Variants in KAZN observed in about 807,000 individuals in gnomAD.
KAZN encodes the protein kazrin, periplakin interacting protein, also known as kazrin.
In KAZN, 40 loss-of-function variants were observed where a neutral mutation model predicts 87.4. The ratio of observed to expected loss-of-function variants is 0.46; its 90% CI spans 0.36 to 0.60. KAZN has a LOEUF of 0.60. KAZN is among the 20% of genes least tolerant of loss of function. KAZN has a pLI of 0.00. For missense variants in KAZN, 898 were observed against 1,073.9 expected (o/e 0.84, Z 2.29); for synonymous variants, 466 against 458.3 (o/e 1.02, Z -0.22).
At chr1:14,847,947 T>TC (rs1368763396) in intron 1 of KAZN, among the ~76,000 whole-genome samples, 2 of 152,152 alleles carry the variant, frequency 1.3e-5, no homozygotes, top group African/African-American at 4.8e-5. Flanking sequence ...GCCACTGCAC[T>TC]CCATCCTGGG....
exon 1 of KAZN, chr1:13,893,451 T>A (rs889523488): frequency 1.8e-5 from 13 of 703,780 alleles, no homozygotes; most frequent in African/African-American, 3.6e-5. Flanking sequence ...GCTTATAGGG[T>A]TTCATTTTTT....
chr1:14,577,601 G>A (rs1332324262), intron 2 of KAZN, among the ~76,000 whole-genome samples: 1 of 152,278 alleles, frequency 6.6e-6, no homozygotes, highest in East Asian at 1.9e-4. Flanking sequence ...CCCTTCAGCT[G>A]CTAGTGGTCA....
chr1:14,423,020 T>G (rs1343051136), intron 2 of KAZN, among the ~76,000 whole-genome samples: 2 of 152,236 alleles, frequency 1.3e-5, no homozygotes, highest in Non-Finnish European at 2.9e-5. Context: ...GTGAAAACTT[T>G]TGCTCAAATT....
chr1:15,030,670 C>T (rs1311249506), intron 2 of KAZN, among the ~76,000 whole-genome samples: 1 of 152,244 alleles, frequency 6.6e-6, no homozygotes, highest in Non-Finnish European at 1.5e-5. Context: ...GGGCCTCCCA[C>T]CCACTGCCTG....
At chr1:13,989,372 G>A (rs1639174785) in intron 1 of KAZN, among the ~76,000 whole-genome samples, 1 of 152,090 alleles carries the variant, frequency 6.6e-6, no homozygotes, top group Non-Finnish European at 1.5e-5. Context: ...ACTAGACAAA[G>A]CCCTAAACCT....
At chr1:13,990,182 C>T (rs890763918) in intron 1 of KAZN, among the ~76,000 whole-genome samples, 2 of 152,038 alleles carry the variant, frequency 1.3e-5, no homozygotes, top group Non-Finnish European at 1.5e-5. Flanking sequence ...GGTATCTACC[C>T]AAGAGAAATG....
intron 2 of KAZN, among the ~76,000 whole-genome samples, chr1:14,268,062 G>A (rs1651633892): frequency 6.6e-6 from 1 of 152,166 alleles, no homozygotes; most frequent in Admixed American, 6.5e-5. Flanking sequence ...CCAGCCTCTG[G>A]CTCAATACCT....
rs146124470 is a variant in KAZN, at chr1:14,891,089, C to G, written c.227-69595C>G. Among the ~76,000 whole-genome samples the G allele has an allele frequency of 2.1e-3, 313 of 151,988 alleles. 10 individuals are homozygous for G. In the South Asian group the frequency reaches 0.04, roughly 19 times the overall value. ...TCGATCTCCTGACCTCGTGATCCACCCGCCTCGGCCTCCCAAAGTGCTGGG... is the reference window on the plus strand; with the variant it reads ...TCGATCTCCTGACCTCGTGATCCACGCGCCTCGGCCTCCCAAAGTGCTGGG... On this transcript the variant is annotated intron_variant, in intron 1 of 14. Transcript: ENST00000376030.
intron 1 of KAZN, among the ~76,000 whole-genome samples, chr1:14,887,465 T>G (rs1410348505): frequency 6.6e-6 from 1 of 152,236 alleles, no homozygotes; most frequent in East Asian, 1.9e-4. Context: ...GGGGTACCAC[T>G]GAGCTGATGG....
At chr1:14,478,249 A>AGAAAGAAGGAAGGAAGGAAGGAAG (rs1668869794) in intron 2 of KAZN, among the ~76,000 whole-genome samples, 1 of 101,476 alleles carries the variant, frequency 9.9e-6, no homozygotes, top group African/African-American at 4.9e-5. Context: ...AGGAAGGAAA[A>AGAAAGAAGGAAGGAAGGAAGGAAG]GAAGGAAGGA....
chr1:15,008,052 C>G (rs974937218), intron 2 of KAZN, among the ~76,000 whole-genome samples: 2 of 152,190 alleles, frequency 1.3e-5, no homozygotes, highest in Non-Finnish European at 2.9e-5. Context: ...AATGAAATAA[C>G]TGTTTTGGCC....
chr1:14,658,779 T>G (rs1317916944), intron 1 of KAZN, among the ~76,000 whole-genome samples: 1 of 152,106 alleles, frequency 6.6e-6, no homozygotes, highest in Non-Finnish European at 1.5e-5. Flanking sequence ...TAGACTCCCC[T>G]ACATGTGAAG....
Position 15,066,187 on chromosome 1 carries a change from T to A in KAZN, c.1222+434T>A. ...TCCCCCTTTCTCCTCCCCTCCTCCTTTTTATGAAACTTGAAAACTTGAAGG... is the reference window on the plus strand; with the variant it reads ...TCCCCCTTTCTCCTCCCCTCCTCCTATTTATGAAACTTGAAAACTTGAAGG... On this transcript the variant is annotated intron_variant, in intron 8 of 14. Coordinates refer to ENST00000376030, the MANE Select transcript of KAZN (RefSeq NM_201628.3). The surrounding 1 kb of genome is among the most constrained non-coding windows in gnomAD (Gnocchi z 4.3). 5.0e-6 allele frequency: 5 copies of A among 1,000,636 alleles called. No individual in the cohort carries two copies. The highest frequency in any genetic ancestry group is 6.0e-6 in the Non-Finnish European group (5 of 840,190). 62.0% of individuals were successfully genotyped at this position (1,000,636 alleles called of 1,614,324 possible).
intron 1 of KAZN, among the ~76,000 whole-genome samples, chr1:14,800,825 G>A (rs1645986958): frequency 6.6e-6 from 1 of 152,168 alleles, no homozygotes; most frequent in Non-Finnish European, 1.5e-5. Flanking sequence ...TCCAGATTAG[G>A]GAAGTCTGTA....
intron 1 of KAZN, among the ~76,000 whole-genome samples, chr1:13,966,859 C>T (rs1419083829): frequency 6.6e-6 from 1 of 151,918 alleles, no homozygotes; most frequent in East Asian, 1.9e-4. Context: ...TTCATTTGAC[C>T]TTTTTCTTTT....
At chr1:14,250,647 T>G (rs958702614) in intron 2 of KAZN, among the ~76,000 whole-genome samples, 1 of 151,854 alleles carries the variant, frequency 6.6e-6, no homozygotes, top group African/African-American at 2.4e-5. Flanking sequence ...TTTATAGAGC[T>G]TGGGGGCTTT....
intron 2 of KAZN, among the ~76,000 whole-genome samples, chr1:14,183,255 C>T (rs778951521): frequency 5.9e-5 from 9 of 152,274 alleles, no homozygotes; most frequent in Non-Finnish European, 1.2e-4. Flanking sequence ...ACAGAGCAAA[C>T]ACATCTCCCA....
intron 2 of KAZN, among the ~76,000 whole-genome samples, chr1:14,406,004 T>G (rs10927424): frequency 0.15 from 23,470 of 152,106 alleles, 1,865 homozygotes; most frequent in East Asian, 0.23. Context: ...AAATGAGAAG[T>G]AATGAATAAT....
At chr1:14,088,813 T>C (rs760409708) in intron 1 of KAZN, among the ~76,000 whole-genome samples, 40 of 152,028 alleles carry the variant, frequency 2.6e-4, no homozygotes, top group Non-Finnish European at 2.1e-4. Context: ...GATGTTCTTT[T>C]ATGAAGTCCA....
Sources: gnomAD v4.1 joint callset for allele counts (sites outside exome capture counted in the v4.1 genomes callset) on GRCh38, gnomAD v4.1.1 for gene constraint, Gnocchi (gnomAD v3.1) non-coding constraint, MANE v1.5 for transcripts, NCBI Gene and HGNC (gene_info 2026-07-23, HGNC 2026-07-21) for gene names.